NUDT13: variants seen among roughly 807,000 people sequenced by gnomAD.
NUDT13 encodes the protein nudix hydrolase 13.
A neutral mutation model predicts 41.7 loss-of-function variants in NUDT13; 40 were observed. The observed-to-expected ratio is 0.96, with a 90% CI of 0.75 to 1.25. The LOEUF is 1.25. Ranked by LOEUF, NUDT13 falls within the 50% of genes most tolerant of loss-of-function variation. The probability of loss-of-function intolerance (pLI) is 0.00; values close to 1 mark genes in which losing one functional copy is unlikely to be tolerated. For synonymous variants in NUDT13, 145 were observed against 155.5 expected (o/e 0.93, Z 0.50); for missense variants, 390 against 416.1 (o/e 0.94, Z 0.55).
chr10:73,119,131 C>T (rs1218651275), intron 2 of NUDT13, among the ~76,000 whole-genome samples: 2 of 151,710 alleles, frequency 1.3e-5, no homozygotes, highest in Non-Finnish European at 2.9e-5. Flanking sequence ...CTGCAACCTT[C>T]GCCTCCCAGG....
At chr10:73,125,081 T>C in intron 5 of NUDT13, 37 bp from the exon 6 acceptor site, 1 of 1,574,422 alleles carries the variant, frequency 6.4e-7, no homozygotes, top group Non-Finnish European at 8.6e-7. Flanking sequence ...CCCCGCATTC[T>C]CTCCAAATGA....
chr10:73,122,745 ATTTT>A (rs58913434), intron 4 of NUDT13, among the ~76,000 whole-genome samples: 1 of 139,582 alleles, frequency 7.2e-6, no homozygotes, highest in African/African-American at 2.6e-5. Context: ...CTAATTTTTA[ATTTT>A]TTTTTTTTTT....
intron 8 of NUDT13, among the ~76,000 whole-genome samples, 165 bp downstream of exon 8, chr10:73,126,992 C>A (rs959438822): frequency 2.0e-5 from 3 of 152,152 alleles, no homozygotes; most frequent in Non-Finnish European, 4.4e-5. Context: ...GCCTGTAATC[C>A]CAACACTTTG....
chr10:73,126,507 G>C (rs1842784253), intron 7 of NUDT13, 166 bp from the exon 8 acceptor site: 1 of 680,746 alleles, frequency 1.5e-6, no homozygotes, highest in South Asian at 2.4e-5. Flanking sequence ...TCAACACACA[G>C]CTCTGGACCT....
intron 4 of NUDT13, 69 bp from the exon 5 acceptor site, chr10:73,124,145 T>C (rs904192610): frequency 2.9e-6 from 3 of 1,047,330 alleles, no homozygotes; most frequent in Non-Finnish European, 2.9e-6. Flanking sequence ...TTTAACAGGA[T>C]AGACTGGAGA....
chr10:73,130,634 C>G, intron 8 of NUDT13, 69 bp from the exon 9 acceptor site: 1 of 1,287,246 alleles, frequency 7.8e-7, no homozygotes, highest in Non-Finnish European at 1.1e-6. Context: ...CATTTTCTGA[C>G]CTTTGGCCAT....
In NUDT13 at chr10:73,122,218, A is replaced by G; in HGVS notation, c.267A>G (p.Arg89=). The change falls in exon 4 of 9, where the codon AGA becomes AGG. Residue 89 remains arginine, a synonymous_variant. Transcript: ENST00000357321. Reference sequence around the variant, plus strand: ...GTAAATTTGGACAGGATGCACAAAGAATAGAAGATTCTGTGCTGATTGGAT... The same window carrying G: ...GTAAATTTGGACAGGATGCACAAAGGATAGAAGATTCTGTGCTGATTGGAT... ...LLGKFGQDAQ[R]IEDSVLIGCS... The G allele has an allele frequency of 6.2e-7, 1 of 1,614,116 alleles. No homozygotes were observed. Among genetic ancestry groups the G allele is most frequent in the Middle Eastern group, 1.7e-4 (1 of 6,060 alleles).
intron 2 of NUDT13, chr10:73,119,415 A>G (rs1034262147): frequency 1.4e-6 from 1 of 718,604 alleles, no homozygotes; most frequent in African/African-American, 1.9e-5. Flanking sequence ...AAGTAAGGGT[A>G]CATTGAAGGT....
At chr10:73,123,518 A>T (rs1238802361) in intron 4 of NUDT13, among the ~76,000 whole-genome samples, 2 of 152,146 alleles carry the variant, frequency 1.3e-5, no homozygotes, top group Non-Finnish European at 2.9e-5. Context: ...ACTATGTGCT[A>T]ATGTTTCCCA....
intron 2 of NUDT13, 51 bp downstream of exon 2, chr10:73,114,499 T>A: frequency 1.2e-6 from 1 of 849,578 alleles, no homozygotes; most frequent in Non-Finnish European, 1.8e-6. Context: ...CCCATTAAAC[T>A]ATTGTGATAT....
intron 2 of NUDT13, among the ~76,000 whole-genome samples, chr10:73,118,359 G>A (rs1842565011): frequency 6.6e-6 from 1 of 152,126 alleles, no homozygotes; most frequent in Non-Finnish European, 1.5e-5. Flanking sequence ...TTCATGTTGA[G>A]CAAACTCTGC....
Position 73,124,332 on chromosome 10 carries a change from TTTCTCA to T in NUDT13, c.465+17_465+22del. 1 of 1,575,566 alleles carries T rather than the reference TTTCTCA, an allele frequency of 6.3e-7. No homozygotes were observed. The highest frequency in any genetic ancestry group is 8.7e-7 in the Non-Finnish European group (1 of 1,146,528). On this transcript the variant is annotated intron_variant, in intron 5 of 8. Coordinates refer to ENST00000357321, the MANE Select transcript of NUDT13 (RefSeq NM_015901.6). Reference sequence around the variant, plus strand: ...CCTTGCTGTCCACGGTAGATTCTGATTTCTCATTCTGTAGGAAATTTAGTAGAGCAG... The same window carrying T: ...CCTTGCTGTCCACGGTAGATTCTGATTTCTGTAGGAAATTTAGTAGAGCAG...
intron 8 of NUDT13, among the ~76,000 whole-genome samples, chr10:73,128,976 A>T (rs1463552065): frequency 6.6e-6 from 1 of 152,286 alleles, no homozygotes; most frequent in East Asian, 1.9e-4. Context: ...TTTTCCCAAC[A>T]CTGTTTATAT....
At chr10:73,130,258 C>G (rs1170478916) in intron 8 of NUDT13, 1 of 151,504 alleles carries the variant, frequency 6.6e-6, no homozygotes. Context: ...ATCAGGAGAT[C>G]GAGACCATCC....
chr10:73,121,758 T>G (rs1249650688), intron 3 of NUDT13, among the ~76,000 whole-genome samples: 1 of 152,190 alleles, frequency 6.6e-6, no homozygotes, highest in Non-Finnish European at 1.5e-5. Flanking sequence ...GGGTCTTTGC[T>G]GTGTTGCCCA....
intron 5 of NUDT13, chr10:73,124,567 G>C (rs1842726457): frequency 9.1e-6 from 4 of 437,932 alleles, no homozygotes; most frequent in Non-Finnish European, 1.6e-5. Context: ...ATGGCAATAG[G>C]ATCTGTCAGC....
At position 73,120,078 on chromosome 10, in the gene NUDT13, G is replaced by A. The variant is rs76384520; in HGVS notation, c.144G>A (p.Ala48=). The A allele has an allele frequency of 2.9e-3, 4,705 of 1,614,086 alleles. 65 individuals carry two copies. The African/African-American group carries it at 0.035, about 12-fold the overall frequency. ...DACKKAQQTG[A]FYLFHSLAPL... ...GTAAAAAAGCCCAGCAAACAGGAGC[G>A]TTTTACCTCTTTCATAGTCTGGCTC... Residue 48 remains alanine, a synonymous_variant, in exon 3 of 9, where the codon GCG becomes GCA. Transcript: ENST00000357321.
In NUDT13 at chr10:73,128,915, T is replaced by A. The variant is rs192065074; in HGVS notation, c.859-1788T>A. On this transcript the variant is annotated intron_variant, in intron 8 of 8. Transcript: ENST00000357321. Reference sequence around the variant, plus strand: ...AATCCATTTTAAGTTGGTTTTTGCATATGATGTAAGATAACGGTCCGATTT... The same window carrying A: ...AATCCATTTTAAGTTGGTTTTTGCAAATGATGTAAGATAACGGTCCGATTT... Among the ~76,000 whole-genome samples, 17 of 152,328 alleles carry A rather than the reference T, an allele frequency of 1.1e-4. No homozygotes were observed. In the East Asian group the frequency reaches 3.3e-3, roughly 29 times the overall value.
intron 1 of NUDT13, among the ~76,000 whole-genome samples, chr10:73,113,748 C>T (rs1272398782): frequency 1.3e-5 from 2 of 152,192 alleles, no homozygotes; most frequent in Non-Finnish European, 2.9e-5. Flanking sequence ...CATAATTATG[C>T]AACCAAGAAG....
Sources: gnomAD v4.1 joint callset for allele counts (sites outside exome capture counted in the v4.1 genomes callset) on GRCh38, gnomAD v4.1.1 for gene constraint, MANE v1.5 for transcripts, NCBI Gene and HGNC (gene_info 2026-07-23, HGNC 2026-07-21) for gene names.